The following HAT1 variants were observed in gnomAD, a reference collection of about 807,000 sequenced individuals.
The protein encoded by HAT1 is histone acetyltransferase 1, also known as histone acetyltransferase type B catalytic subunit.
In HAT1, 20 loss-of-function variants were observed where a neutral mutation model predicts 56.6. The observed-to-expected ratio is 0.35, with a 90% CI of 0.25 to 0.51. The LOEUF is 0.51. Ranked by LOEUF, HAT1 falls within the 20% of genes least tolerant of loss-of-function variation. The pLI is 0.95. For missense variants in HAT1, 408 were observed against 504.3 expected (o/e 0.81, Z 1.83); for synonymous variants, 146 against 165.5 (o/e 0.88, Z 0.91).
At chr2:171,973,894 C>G (rs1389113796) in intron 8 of HAT1, among the ~76,000 whole-genome samples, 1 of 151,996 alleles carries the variant, frequency 6.6e-6, no homozygotes, top group Non-Finnish European at 1.5e-5. Context: ...TATGAAATGT[C>G]TTGGGCCAGG....
intron 2 of HAT1, among the ~76,000 whole-genome samples, chr2:171,931,675 G>C (rs369138168): frequency 2.0e-5 from 3 of 152,086 alleles, no homozygotes; most frequent in African/African-American, 4.8e-5. Flanking sequence ...CTGTGTCTCG[G>C]GGGGGAAAAA....
At chr2:171,955,576 T>C (rs1178815574) in intron 4 of HAT1, among the ~76,000 whole-genome samples, 1 of 151,352 alleles carries the variant, frequency 6.6e-6, no homozygotes, top group Non-Finnish European at 1.5e-5. Flanking sequence ...GCGCCATTCA[T>C]TGCACTCCAG....
chr2:171,980,874 TA>T lies in HAT1; in HGVS notation c.1092+1524del, dbSNP rs1216853747. 6.7e-4 allele frequency: 82 copies of T among 123,290 alleles called. 1 individual carries two copies. The highest frequency in any genetic ancestry group is 5.6e-3 in the East Asian group (24 of 4,298). The allele number at this position is 123,290 out of a possible 1,614,324, so 7.6% of individuals were successfully genotyped here. ...CCATCTCAAAAAAAAAAAAAAAATT[TA>T]AAAAAAAAAAAAGGCCAGGTGCGGT... On this transcript the variant is annotated intron_variant, in intron 10 of 10. Coordinates refer to ENST00000264108, the MANE Select transcript of HAT1 (RefSeq NM_003642.4).
At chr2:171,970,039 C>T (rs1284624689) in intron 8 of HAT1, among the ~76,000 whole-genome samples, 1 of 151,910 alleles carries the variant, frequency 6.6e-6, no homozygotes, top group Non-Finnish European at 1.5e-5. Context: ...ACCTATGGTC[C>T]CAGCCAGCTA....
intron 8 of HAT1, among the ~76,000 whole-genome samples, chr2:171,972,167 C>T (rs961214291): frequency 9.9e-5 from 15 of 151,526 alleles, no homozygotes; most frequent in African/African-American, 2.9e-4. Context: ...AACATTTAAA[C>T]GGTTACATAT....
At chr2:171,942,011 T>C (rs1187791418) in intron 2 of HAT1, among the ~76,000 whole-genome samples, 1 of 152,120 alleles carries the variant, frequency 6.6e-6, no homozygotes, top group African/African-American at 2.4e-5. Context: ...TTCAAGCAAT[T>C]CTCCTAGTTC....
At chr2:171,981,753 G>T (rs577924409) in intron 10 of HAT1, among the ~76,000 whole-genome samples, 1 of 152,240 alleles carries the variant, frequency 6.6e-6, no homozygotes, top group African/African-American at 2.4e-5. Context: ...TAGCAGGTTT[G>T]TAATAAATTA....
intron 2 of HAT1, among the ~76,000 whole-genome samples, chr2:171,933,388 TA>T (rs1207778102): frequency 3.9e-5 from 6 of 152,178 alleles, no homozygotes; most frequent in Admixed American, 1.3e-4. Context: ...TCTTTCTTTT[TA>T]AAGTAGATGT....
intron 2 of HAT1, among the ~76,000 whole-genome samples, chr2:171,945,987 G>T (rs1687153676): frequency 6.6e-6 from 1 of 151,994 alleles, no homozygotes; most frequent in Admixed American, 6.6e-5. Flanking sequence ...TGAATTTTTA[G>T]TAGAGATGGT....
At chr2:171,925,488 C>T in intron 1 of HAT1, 49 bp from the exon 2 acceptor site, 1 of 830,458 alleles carries the variant, frequency 1.2e-6, no homozygotes, top group Non-Finnish European at 2.1e-6. Context: ...GCAGGTTTGA[C>T]AATTTAAGTC....
chr2:171,926,745 TAAG>T (rs902783351), intron 2 of HAT1, among the ~76,000 whole-genome samples: 11 of 152,218 alleles, frequency 7.2e-5, no homozygotes, highest in Non-Finnish European at 1.0e-4. Context: ...GACAGTTTCT[TAAG>T]AAGTTAAACA....
At chr2:171,958,421 GT>G (rs935866426) in intron 4 of HAT1, among the ~76,000 whole-genome samples, 2 of 150,970 alleles carry the variant, frequency 1.3e-5, no homozygotes, top group Admixed American at 1.3e-4. Context: ...TTGACCATGT[GT>G]TTTTCCCCCT....
rs1004877139 is a variant in HAT1, at chr2:171,962,487, C to T, written c.310-2851C>T. ...TTGGCTCACTGCAACCTCCGCCTCC[C>T]AAGTTCAAGTGATTCTCCTGCCTCA... On this transcript the variant is annotated intron_variant, in intron 4 of 10. Transcript: ENST00000264108. 5.9e-5 allele frequency among the ~76,000 whole-genome samples: 9 copies of T among 152,286 alleles called. No homozygotes were observed. In the East Asian group the frequency reaches 1.7e-3, roughly 29 times the overall value.
At position 171,983,361 on chromosome 2, in the gene HAT1, C is replaced by A; in HGVS notation, c.*9C>A. ...GACTTGCTCAAGAGTAAAGATTATA[C>A]TGCTCTGTACAGGAAGCTTGCAAAT... is the stretch of plus-strand genomic sequence containing the variant. On this transcript the variant is annotated 3_prime_UTR_variant, in exon 11 of 11. Coordinates refer to ENST00000264108, the MANE Select transcript of HAT1 (RefSeq NM_003642.4). 6.4e-7 allele frequency: 1 copy of A among 1,551,660 alleles called. No homozygotes were observed. The highest frequency in any genetic ancestry group is 8.8e-7 in the Non-Finnish European group (1 of 1,137,828).
Position 171,983,186 on chromosome 2 carries a change from A to C in HAT1, c.1094A>C (p.Lys365Thr). The C allele has an allele frequency of 1.3e-6, 2 of 1,536,100 alleles. No individual in the cohort carries two copies. The highest frequency in any genetic ancestry group is 1.8e-6 in the Non-Finnish European group (2 of 1,137,256). ...AACAAATAATTGTTTGTCACTTAGA[A>C]AAAGCAGAGAGATCTTGCTAAGATG... is the stretch of plus-strand genomic sequence containing the variant. ...IKRRLISPYK[K>T]KQRDLAKMRK... The change falls in exon 11 of 11, where the codon AAA becomes ACA. Residue 365 changes from lysine to threonine, a missense_variant and splice_region_variant. Lys to Thr is a moderately conservative substitution (Grantham distance 78). Transcript: ENST00000264108.
chr2:171,948,333 T>G (rs909056036), intron 3 of HAT1, among the ~76,000 whole-genome samples: 3 of 152,212 alleles, frequency 2.0e-5, no homozygotes, highest in African/African-American at 7.2e-5. Context: ...CAGATGATTC[T>G]TCTGCCTCAG....
rs1440838163 is a variant in HAT1, at chr2:171,966,966, T to C, written c.823+17T>C. On this transcript the variant is annotated intron_variant, in intron 8 of 10. Coordinates refer to ENST00000264108, the MANE Select transcript of HAT1 (RefSeq NM_003642.4). ...ATATTACAGGTATGTAAAATTTGAT[T>C]TGTTACTGAAAGAGCCTTTCTAAAA... 3 of 1,054,768 alleles carry C rather than the reference T, an allele frequency of 2.8e-6. No homozygotes were observed. The highest frequency in any genetic ancestry group is 2.9e-6 in the Non-Finnish European group (2 of 687,700). The allele number at this position is 1,054,768 out of a possible 1,614,324, so 65.3% of individuals were successfully genotyped here.
intron 8 of HAT1, among the ~76,000 whole-genome samples, chr2:171,971,675 T>C (rs1025872161): frequency 6.6e-6 from 1 of 152,236 alleles, no homozygotes; most frequent in Non-Finnish European, 1.5e-5. Flanking sequence ...CAAGCCGTCA[T>C]GATTAGGTTG....
intron 8 of HAT1, among the ~76,000 whole-genome samples, chr2:171,972,805 C>G (rs926905210): frequency 2.0e-5 from 3 of 152,256 alleles, no homozygotes; most frequent in Non-Finnish European, 2.9e-5. Flanking sequence ...TTGCTTTCCT[C>G]TCTTTCTTCC....
Sources: allele counts gnomAD v4.1 joint callset (sites outside exome capture counted in the v4.1 genomes callset), GRCh38; gene constraint gnomAD v4.1.1; transcripts MANE v1.5; gene names NCBI Gene and HGNC (gene_info 2026-07-23, HGNC 2026-07-21).